The following CCDC83 variants were observed in gnomAD, a reference collection of about 807,000 sequenced individuals.
CCDC83 encodes coiled-coil domain-containing protein 83.
CCDC83 carries 54 observed loss-of-function variants against 50.1 expected under a neutral mutation model. The observed-to-expected ratio is 1.08, with a 90% CI of 0.87 to 1.35. The LOEUF (loss-of-function observed/expected upper bound fraction) is 1.35. Among genes scored for constraint, CCDC83 ranks in the 40% most tolerant of loss-of-function variants. The pLI is 0.00. For synonymous variants in CCDC83, 161 were observed against 153.3 expected (o/e 1.05, Z -0.37); for missense variants, 518 against 473.9 (o/e 1.09, Z -0.86).
chr11:85,901,684 T>TA (rs1232244034), intron 7 of CCDC83, among the ~76,000 whole-genome samples: 1 of 147,636 alleles, frequency 6.8e-6, no homozygotes, highest in Non-Finnish European at 1.5e-5. Context: ...CATAGAGTAC[T>TA]AATGTAAGAT....
chr11:85,885,704 A>G (rs11234460), intron 4 of CCDC83, among the ~76,000 whole-genome samples: 10,673 of 152,288 alleles, frequency 0.07, 449 homozygotes, highest in South Asian at 0.096. Context: ...TTCATACAAG[A>G]GAAATCCAAA....
chr11:85,865,879 T>G (rs1456003062), intron 2 of CCDC83, among the ~76,000 whole-genome samples: 1 of 151,072 alleles, frequency 6.6e-6, no homozygotes, highest in East Asian at 1.9e-4. Flanking sequence ...CAGAGCAAGA[T>G]TCCATTGAGG....
At chr11:85,879,753 G>A (rs1414732466) in intron 3 of CCDC83, among the ~76,000 whole-genome samples, 3 of 152,038 alleles carry the variant, frequency 2.0e-5, no homozygotes, top group South Asian at 2.1e-4. Flanking sequence ...CTCAGTAGCT[G>A]GGATTACAAG....
intron 7 of CCDC83, among the ~76,000 whole-genome samples, chr11:85,908,273 C>A (rs1369721060): frequency 1.3e-5 from 2 of 152,104 alleles, no homozygotes; most frequent in African/African-American, 2.4e-5. Flanking sequence ...ATGCCTTATT[C>A]ACCCTTGCAT....
chr11:85,916,181 T>C lies in CCDC83; in HGVS notation c.1028T>C (p.Phe343Ser), dbSNP rs770473575. The C allele has an allele frequency of 4.3e-6, 7 of 1,613,282 alleles. No individual in the cohort carries two copies. The highest frequency in any genetic ancestry group is 1.1e-5 in the South Asian group (1 of 91,010). ...AAAGAGGAAAACTCAGGCACAGAGT[T>C]TGGGGACACTGATATGAAGTACTTA... ...IDKEENSGTE[F>S]GDTDMKYLLY... Residue 343 changes from phenylalanine to serine, a missense_variant, in exon 10 of 11, where the codon TTT becomes TCT. Physicochemically the swap from Phe to Ser is radical, Grantham distance 155. Transcript: ENST00000342404.
intron 7 of CCDC83, among the ~76,000 whole-genome samples, chr11:85,906,973 T>C (rs990474708): frequency 1.3e-5 from 2 of 152,168 alleles, no homozygotes; most frequent in Non-Finnish European, 2.9e-5. Flanking sequence ...CTCTTTGTTT[T>C]AATAAATATT....
chr11:85,860,799 CA>C, intron 1 of CCDC83, among the ~76,000 whole-genome samples: 1 of 152,204 alleles, frequency 6.6e-6, no homozygotes, highest in Non-Finnish European at 1.5e-5. Context: ...GAATGCTACA[CA>C]GCCATAAAAA....
chr11:85,866,653 C>CA (rs2093208490), intron 2 of CCDC83, among the ~76,000 whole-genome samples: 3 of 106,682 alleles, frequency 2.8e-5, no homozygotes, highest in African/African-American at 7.0e-5. Flanking sequence ...GACCCTGTCT[C>CA]AAAAAAACAA....
chr11:85,878,066 T>G (rs2093278279), intron 3 of CCDC83, among the ~76,000 whole-genome samples: 1 of 152,226 alleles, frequency 6.6e-6, no homozygotes, highest in Non-Finnish European at 1.5e-5. Context: ...GTAAATTATT[T>G]ATTTTTCAGT....
chr11:85,856,144 G>A (rs1215451974), intron 1 of CCDC83, among the ~76,000 whole-genome samples: 3 of 148,072 alleles, frequency 2.0e-5, no homozygotes, highest in Non-Finnish European at 4.4e-5. Context: ...AGAGAGTTGA[G>A]GAAGTGATTA....
chr11:85,906,770 AG>A (rs1565154169), intron 7 of CCDC83, among the ~76,000 whole-genome samples: 2 of 145,956 alleles, frequency 1.4e-5, no homozygotes, highest in Non-Finnish European at 3.1e-5. Flanking sequence ...CTGTGGTCCC[AG>A]CTACTTATGA....
chr11:85,869,661 T>C (rs984110526), intron 2 of CCDC83, among the ~76,000 whole-genome samples: 2 of 152,232 alleles, frequency 1.3e-5, no homozygotes, highest in African/African-American at 2.4e-5. Flanking sequence ...ACTGCTTTAA[T>C]GTATATTGCT....
intron 5 of CCDC83, 28 bp from the exon 6 acceptor site, chr11:85,895,264 CT>C (rs10594256): frequency 0.38 from 138,315 of 360,078 alleles, 16,770 homozygotes; most frequent in Admixed American, 0.46. Context: ...TTTTAATTTT[CT>C]TTTTTTTTTT....
chr11:85,863,555 T>C (rs1322047076), intron 1 of CCDC83, among the ~76,000 whole-genome samples: 1 of 152,236 alleles, frequency 6.6e-6, no homozygotes, highest in Non-Finnish European at 1.5e-5. Context: ...TACAGAGTAG[T>C]GCAAACTTGG....
In CCDC83 at chr11:85,881,198, G is replaced by A. The variant is rs556540602; in HGVS notation, c.181-1315G>A. 6.2e-4 allele frequency among the ~76,000 whole-genome samples: 94 copies of A among 151,968 alleles called. 2 individuals carry two copies. The highest frequency in any genetic ancestry group is 2.0e-3 in the African/African-American group (81 of 41,448). The stretch of plus-strand genomic sequence containing the variant: ...AGCCTGGCCAACATGGTGAAATCCC[G>A]TCTCTACTAAAAATACAAAAAAAAA... On this transcript the variant is annotated intron_variant, in intron 3 of 10. Transcript: ENST00000342404.
rs745662225 is a variant in CCDC83 at position 85,886,325 on chromosome 11, A to G, written c.469A>G (p.Asn157Asp). ...TGCTAAACTCATTACCTCCTTACAA[A>G]ATGACATCAACACAGTTAAAGAGAA... ...RHAKLITSLQNDINTVKENAE... is the reference protein window; with the variant it reads ...RHAKLITSLQDDINTVKENAE... Residue 157 changes from asparagine to aspartate, a missense_variant, in exon 5 of 11, where the codon AAT (asparagine) becomes GAT (aspartate). By Grantham distance (23) the Asn-to-Asp change is conservative. Coordinates refer to ENST00000342404, the MANE Select transcript of CCDC83 (RefSeq NM_001286159.2). The G allele has an allele frequency of 1.9e-6, 3 of 1,609,698 alleles. No individual in the cohort carries two copies. In the Admixed American group the frequency reaches 5.1e-5, roughly 27 times the overall value.
intron 6 of CCDC83, among the ~76,000 whole-genome samples, chr11:85,895,675 T>C (rs1233342966): frequency 6.6e-6 from 1 of 152,256 alleles, no homozygotes; most frequent in Non-Finnish European, 1.5e-5. Flanking sequence ...AATGAATTTG[T>C]TACTTAGCTT....
chr11:85,890,920 T>C (rs534614511), intron 5 of CCDC83, among the ~76,000 whole-genome samples: 2 of 152,310 alleles, frequency 1.3e-5, no homozygotes, highest in South Asian at 2.1e-4. Flanking sequence ...CAGAAGTCAA[T>C]AGCCTCACAG....
chr11:85,907,679 G>A (rs1411272152), intron 7 of CCDC83, among the ~76,000 whole-genome samples: 1 of 152,136 alleles, frequency 6.6e-6, no homozygotes, highest in African/African-American at 2.4e-5. Flanking sequence ...GGTGTTTGTA[G>A]GGTTATGAAA....
Sources: allele counts gnomAD v4.1 joint callset (sites outside exome capture counted in the v4.1 genomes callset), GRCh38; gene constraint gnomAD v4.1.1; transcripts MANE v1.5; gene names NCBI Gene and HGNC (gene_info 2026-07-23, HGNC 2026-07-21).